The following KCNH1 variants were observed in gnomAD, a reference collection of about 807,000 sequenced individuals.
KCNH1 encodes the protein potassium voltage-gated channel subfamily H member 1.
Under a neutral mutation model 69.2 loss-of-function variants are expected in KCNH1, and 27 were observed. That is an observed-to-expected ratio of 0.39 (90% CI 0.29 to 0.54). The LOEUF is 0.54. KCNH1 is among the 20% of genes least tolerant of loss of function. KCNH1 has a pLI of 0.68. For synonymous variants in KCNH1, 456 were observed against 487.7 expected (o/e 0.93, Z 0.86); for missense variants, 798 against 1,261.6 (o/e 0.63, Z 5.57).
rs1681196454 is a variant in KCNH1 at position 210,678,759 on chromosome 1, G to C, written c.*4522C>G. ...TTAAGAGAATACATTCATTAGGGGAGGGTGCATCCTTCAACATAAGATCAG... is the reference window on the plus strand; with the variant it reads ...TTAAGAGAATACATTCATTAGGGGACGGTGCATCCTTCAACATAAGATCAG... On this transcript the variant is annotated 3_prime_UTR_variant, in exon 11 of 11. Coordinates refer to ENST00000271751, the MANE Select transcript of KCNH1 (RefSeq NM_172362.3). 6.6e-6 allele frequency: 1 copy of C among 152,190 alleles called. No homozygotes were observed. The highest frequency in any genetic ancestry group is 2.1e-4 in the South Asian group (1 of 4,826). 9.4% of individuals were successfully genotyped at this position (152,190 alleles called of 1,614,324 possible).
At chr1:210,917,471 T>C (rs895119556) in intron 7 of KCNH1, among the ~76,000 whole-genome samples, 55 of 152,254 alleles carry the variant, frequency 3.6e-4, no homozygotes, top group African/African-American at 1.2e-3. Flanking sequence ...ACGACTCATT[T>C]TGGGGAAAAC....
chr1:210,972,273 C>G (rs779485080), intron 6 of KCNH1, among the ~76,000 whole-genome samples: 1 of 152,080 alleles, frequency 6.6e-6, no homozygotes, highest in African/African-American at 2.4e-5. Flanking sequence ...GTATTAGCAC[C>G]TAAAAGGCTG....
At chr1:211,075,157 C>T (rs900659577) in intron 5 of KCNH1, among the ~76,000 whole-genome samples, 2 of 152,176 alleles carry the variant, frequency 1.3e-5, no homozygotes, top group African/African-American at 2.4e-5. Context: ...AGAGAAAGTA[C>T]AGGCTGTGAG....
intron 6 of KCNH1, among the ~76,000 whole-genome samples, chr1:211,009,879 G>A (rs183233909): frequency 6.6e-6 from 1 of 152,298 alleles, no homozygotes; most frequent in East Asian, 1.9e-4. Flanking sequence ...AAAGTGCTGG[G>A]ATTACAGGCA....
chr1:210,847,867 T>C (rs572779992), intron 7 of KCNH1, among the ~76,000 whole-genome samples: 11 of 152,096 alleles, frequency 7.2e-5, no homozygotes, highest in South Asian at 4.2e-4. Flanking sequence ...AAAATTACCA[T>C]GAGCAAAATT....
At chr1:211,095,898 C>A (rs1691140304) in intron 3 of KCNH1, among the ~76,000 whole-genome samples, 2 of 152,102 alleles carry the variant, frequency 1.3e-5, no homozygotes, top group South Asian at 4.2e-4. Flanking sequence ...GAGTTTGAGC[C>A]CTTTATCTTC....
At chr1:210,928,871 T>C (rs1687628733) in intron 6 of KCNH1, among the ~76,000 whole-genome samples, 1 of 152,052 alleles carries the variant, frequency 6.6e-6, no homozygotes, top group Non-Finnish European at 1.5e-5. Context: ...GCCACAGAAA[T>C]ACAAAAGATT....
intron 6 of KCNH1, among the ~76,000 whole-genome samples, chr1:210,954,715 G>C (rs989087751): frequency 2.6e-5 from 4 of 152,206 alleles, no homozygotes; most frequent in Admixed American, 2.6e-4. Context: ...TTTCAGAAGT[G>C]TCTGTTCATA....
intron 5 of KCNH1, among the ~76,000 whole-genome samples, chr1:211,056,904 A>G (rs1427014920): frequency 6.6e-6 from 1 of 152,182 alleles, no homozygotes; most frequent in Non-Finnish European, 1.5e-5. Context: ...CTTTGAATAC[A>G]TGGAAAGCCC....
At chr1:211,018,731 T>G in intron 6 of KCNH1, 52 bp downstream of exon 6, 3 of 1,409,516 alleles carry the variant, frequency 2.1e-6, no homozygotes, top group Middle Eastern at 1.8e-4. Flanking sequence ...CCACCCACAT[T>G]TAACTCAGTT....
chr1:210,743,074 GC>G (rs1327529695), intron 10 of KCNH1, among the ~76,000 whole-genome samples: 3 of 152,174 alleles, frequency 2.0e-5, no homozygotes, highest in Non-Finnish European at 4.4e-5. Flanking sequence ...AATTAAACAG[GC>G]TACTTCACAA....
At chr1:210,735,178 T>C (rs1309888646) in intron 10 of KCNH1, among the ~76,000 whole-genome samples, 4 of 152,092 alleles carry the variant, frequency 2.6e-5, no homozygotes, top group African/African-American at 9.7e-5. Flanking sequence ...TGAAGCCCCC[T>C]CATCTGATTA....
chr1:210,829,643 C>T (rs529442333), intron 7 of KCNH1, among the ~76,000 whole-genome samples: 4 of 152,296 alleles, frequency 2.6e-5, no homozygotes, highest in Non-Finnish European at 4.4e-5. Context: ...TTTGCACTGG[C>T]GGCTACCTGT....
In KCNH1 at chr1:210,992,859, G is replaced by A. The variant is rs139513022; in HGVS notation, c.1032+25924C>T. Among the ~76,000 whole-genome samples, 8 of 152,004 alleles carry A rather than the reference G, an allele frequency of 5.3e-5. No individual in the cohort carries two copies. The East Asian group carries it at 1.6e-3, about 29-fold the overall frequency. Reference sequence around the variant, plus strand: ...AGACTTCTCCTACCTTTTCTAAATAGCCCCAAATGGATCTGCCAACTTGTT... The same window carrying A: ...AGACTTCTCCTACCTTTTCTAAATAACCCCAAATGGATCTGCCAACTTGTT... On this transcript the variant is annotated intron_variant, in intron 6 of 10. Transcript: ENST00000271751.
chr1:210,860,587 A>G (rs913911721), intron 7 of KCNH1: 1 of 854,786 alleles, frequency 1.2e-6, no homozygotes. Context: ...TTCACAGATC[A>G]TTTTCTGAAT....
At chr1:210,702,008 G>A (rs1681793401) in intron 10 of KCNH1, among the ~76,000 whole-genome samples, 1 of 152,044 alleles carries the variant, frequency 6.6e-6, no homozygotes, top group Admixed American at 6.6e-5. Flanking sequence ...ATAATAATTT[G>A]GGGCATGGAA....
chr1:210,798,701 C>A (rs1449255334), intron 8 of KCNH1, among the ~76,000 whole-genome samples: 2 of 152,138 alleles, frequency 1.3e-5, no homozygotes, highest in Admixed American at 6.5e-5. Context: ...TTAGGTCCCT[C>A]CTGCAGCTGT....
chr1:210,787,711 T>C (rs1684130741), intron 9 of KCNH1, among the ~76,000 whole-genome samples: 1 of 152,246 alleles, frequency 6.6e-6, no homozygotes, highest in Non-Finnish European at 1.5e-5. Flanking sequence ...TTTGCTGACC[T>C]GCTCAGAAAC....
chr1:210,977,141 G>A (rs953931431), intron 6 of KCNH1, among the ~76,000 whole-genome samples: 1 of 152,204 alleles, frequency 6.6e-6, no homozygotes, highest in African/African-American at 2.4e-5. Flanking sequence ...CATGTCCTTT[G>A]TAGGGATATG....
Sources: allele counts gnomAD v4.1 joint callset (sites outside exome capture counted in the v4.1 genomes callset), GRCh38; gene constraint gnomAD v4.1.1; transcripts MANE v1.5; gene names NCBI Gene and HGNC (gene_info 2026-07-23, HGNC 2026-07-21).